The following IGSF3 variants were observed in gnomAD, a reference collection of about 807,000 sequenced individuals.
The protein encoded by IGSF3 is immunoglobulin superfamily member 3.
A neutral mutation model predicts 114.4 loss-of-function variants in IGSF3; 23 were observed. The observed-to-expected ratio is 0.20, with a 90% confidence interval of 0.14 to 0.28. The LOEUF (loss-of-function observed/expected upper bound fraction) is 0.28. Among genes scored for constraint, IGSF3 ranks in the 10% least tolerant of loss-of-function variants. IGSF3 has a pLI of 1.00. For synonymous variants in IGSF3, 571 were observed against 645.2 expected, an observed-to-expected ratio of 0.88 and a Z score of 1.74; for missense variants, 1,172 against 1,591.5, an observed-to-expected ratio of 0.74 and a Z score of 4.48.
chr1:116,588,532 G>T lies in IGSF3; in HGVS notation c.2440+162C>A, dbSNP rs1659948301. Among the ~76,000 whole-genome samples, 1 of 152,126 alleles carries T rather than the reference G, an allele frequency of 6.6e-6. No homozygotes were observed. The highest frequency in any genetic ancestry group is 2.4e-5 in the African/African-American group (1 of 41,408). On this transcript the variant is annotated intron_variant, in intron 8 of 10. Transcript: ENST00000369486. The surrounding 1 kb of genome is among the most constrained non-coding windows in gnomAD (Gnocchi z 4.9). Reference sequence around the variant, plus strand: ...GGACCCACTGCAGGTAAAATGGATGGGATTGCAGTGTGCTAGGGTGATGGT... The same window carrying T: ...GGACCCACTGCAGGTAAAATGGATGTGATTGCAGTGTGCTAGGGTGATGGT...
chr1:116,599,995 T>C lies in IGSF3; in HGVS notation c.1975A>G (p.Thr659Ala), dbSNP rs1243620195. Reference sequence around the variant, plus strand: ...TTGGAGGTCCTCTCCGCCAGTCGCGTCCAGGTGTTGTTGTAGTTCTTCCGC... The same window carrying C: ...TTGGAGGTCCTCTCCGCCAGTCGCGCCCAGGTGTTGTTGTAGTTCTTCCGC... ...LWRKNYNNTW[T>A]RLAERTSNLL... The change falls in exon 7 of 11, where the codon ACG becomes GCG. Residue 659 changes from threonine to alanine, a missense_variant. By Grantham distance (58) the Thr-to-Ala change is moderately conservative (BLOSUM62 0). Coordinates refer to ENST00000369486, the MANE Select transcript of IGSF3 (RefSeq NM_001007237.3). 1 of 1,614,156 alleles carries C rather than the reference T, an allele frequency of 6.2e-7. No individual in the cohort carries two copies.
Position 116,579,573 on chromosome 1 carries a change from G to A in IGSF3, c.3153C>T (p.Gly1051=), listed in dbSNP as rs146558055. Residue 1051 remains glycine (G), a synonymous_variant, in exon 10 of 11, where the codon GGC becomes GGT. Transcript: ENST00000369486. This position sits in a 1 kb window ranked among gnomAD's most constrained non-coding sequence, Gnocchi z 6.4. ...VFGPEGSPWE[G]RLRFQRLSPV... is the part of the protein sequence containing the mutation. Reference sequence around the variant, plus strand: ...GGGAGAGCCTCTGGAAGCGAAGCCTGCCCTCCCAAGGACTGCCCTCTGGGC... The same window carrying A: ...GGGAGAGCCTCTGGAAGCGAAGCCTACCCTCCCAAGGACTGCCCTCTGGGC... The A allele has an allele frequency of 1.3e-5, 21 of 1,614,206 alleles. No homozygotes were observed. The African/African-American group carries it at 2.7e-4, about 20-fold the overall frequency.
At chr1:116,586,701 G>C (rs1222740047) in intron 8 of IGSF3, among the ~76,000 whole-genome samples, 2 of 152,094 alleles carry the variant, frequency 1.3e-5, no homozygotes, top group Non-Finnish European at 2.9e-5. Context: ...AGAATCTCTT[G>C]GTTTCAGTAC....
At chr1:116,630,864 G>C (rs1363954554) in intron 2 of IGSF3, among the ~76,000 whole-genome samples, 1 of 152,206 alleles carries the variant, frequency 6.6e-6, no homozygotes, top group East Asian at 1.9e-4. Flanking sequence ...CCTCAGCAGA[G>C]AGCAGCTCGA....
rs1224243173 is a variant in IGSF3 at position 116,574,638 on chromosome 1, T to G, written c.*2674A>C. 1 of 152,518 alleles carries G rather than the reference T, an allele frequency of 6.6e-6. No individual in the cohort carries two copies. Among genetic ancestry groups the G allele is most frequent in the African/African-American group, 2.4e-5 (1 of 41,394 alleles). 9.4% of individuals were successfully genotyped at this position (152,518 alleles called of 1,614,324 possible). Reference sequence around the variant, plus strand: ...TACAGAAACACCCGGTGAAAGAGGGTGTGGTCATATTCATGTCCTAGAATG... The same window carrying G: ...TACAGAAACACCCGGTGAAAGAGGGGGTGGTCATATTCATGTCCTAGAATG... On this transcript the variant is annotated 3_prime_UTR_variant, in exon 11 of 11. Coordinates refer to ENST00000369486, the MANE Select transcript of IGSF3 (RefSeq NM_001007237.3). The surrounding 1 kb of genome is among the most constrained non-coding windows in gnomAD (Gnocchi z 5.2).
Position 116,651,107 on chromosome 1 carries a change from C to T in IGSF3, c.43+15177G>A, listed in dbSNP as rs1364936011. Among the ~76,000 whole-genome samples, 1 of 152,238 alleles carries T rather than the reference C, an allele frequency of 6.6e-6. No individual in the cohort carries two copies. On this transcript the variant is annotated intron_variant, in intron 2 of 10. Transcript: ENST00000369486. The surrounding 1 kb of genome is among the most constrained non-coding windows in gnomAD (Gnocchi z 4.4). ...AAGCTCACAATAAGGAACGCCCATG[C>T]CTAGCCATAACTGAGCACATCACAG...
rs1313423286 is a variant in IGSF3, at chr1:116,650,071, G to C, written c.43+16213C>G. Among the ~76,000 whole-genome samples the C allele has an allele frequency of 2.0e-5, 3 of 152,126 alleles. No homozygotes were observed. Among genetic ancestry groups the C allele is most frequent in the Admixed American group, 6.5e-5 (1 of 15,280 alleles). Reference sequence around the variant, plus strand: ...CCTCTCCTTTCTGCCTTACCACAAAGCTAAGCTCTGTCTCTGAATAATGTG... The same window carrying C: ...CCTCTCCTTTCTGCCTTACCACAAACCTAAGCTCTGTCTCTGAATAATGTG... On this transcript the variant is annotated intron_variant, in intron 2 of 10. Coordinates refer to ENST00000369486, the MANE Select transcript of IGSF3 (RefSeq NM_001007237.3). The surrounding 1 kb of genome is among the most constrained non-coding windows in gnomAD (Gnocchi z 5.0).
At position 116,594,873 on chromosome 1, in the gene IGSF3, C is replaced by T. The variant is rs12747071; in HGVS notation, c.2029+5068G>A. The stretch of plus-strand genomic sequence containing the variant: ...ATGCTCCACTCCTCCTTCCCAACCT[C>T]CCACCCTCACCCCTACCCCATTCCC... On this transcript the variant is annotated intron_variant, in intron 7 of 10. Transcript: ENST00000369486. The surrounding 1 kb of genome is among the most constrained non-coding windows in gnomAD (Gnocchi z 5.2). 2.0e-5 allele frequency among the ~76,000 whole-genome samples: 3 copies of T among 152,098 alleles called. No individual in the cohort carries two copies. Among genetic ancestry groups the T allele is most frequent in the Non-Finnish European group, 2.9e-5 (2 of 68,006 alleles).
At chr1:116,637,530 C>T (rs1242051932) in intron 2 of IGSF3, among the ~76,000 whole-genome samples, 1 of 152,180 alleles carries the variant, frequency 6.6e-6, no homozygotes, top group Non-Finnish European at 1.5e-5. Flanking sequence ...CTTTTCTCCA[C>T]AAGTGGCCTG....
At position 116,583,535 on chromosome 1, in the gene IGSF3, T is replaced by C. The variant is rs1659682717; in HGVS notation, c.2848+1110A>G. On this transcript the variant is annotated intron_variant, in intron 9 of 10. Transcript: ENST00000369486. The surrounding 1 kb of genome is among the most constrained non-coding windows in gnomAD (Gnocchi z 4.5). ...CTGGCACCACCCTGGAGATGCAATA[T>C]TCCACCAACGAAATGAGCTGCTCTA... is the stretch of plus-strand genomic sequence containing the variant. Among the ~76,000 whole-genome samples the C allele has an allele frequency of 6.6e-6, 1 of 152,140 alleles. No individual in the cohort carries two copies. Among genetic ancestry groups the C allele is most frequent in the Non-Finnish European group, 1.5e-5 (1 of 68,010 alleles).
At position 116,600,494 on chromosome 1, in the gene IGSF3, T is replaced by C. The variant is rs1374026373; in HGVS notation, c.1625-149A>G. ...TGAGCTCTCAGGCTAGTGTTGCTTTTAGTATCCTGCTGAGGCCCAGTCCAA... is the reference window on the plus strand; with the variant it reads ...TGAGCTCTCAGGCTAGTGTTGCTTTCAGTATCCTGCTGAGGCCCAGTCCAA... On this transcript the variant is annotated intron_variant, in intron 6 of 10. Coordinates refer to ENST00000369486, the MANE Select transcript of IGSF3 (RefSeq NM_001007237.3). The surrounding 1 kb of genome is among the most constrained non-coding windows in gnomAD (Gnocchi z 5.5). The C allele has an allele frequency of 4.7e-6, 3 of 635,316 alleles. No homozygotes were observed. Among genetic ancestry groups the C allele is most frequent in the Non-Finnish European group, 8.2e-6 (3 of 367,708 alleles). The allele number at this position is 635,316 out of a possible 1,614,324, so 39.4% of individuals were successfully genotyped here.
At position 116,648,980 on chromosome 1, in the gene IGSF3, T is replaced by C. The variant is rs1648518537; in HGVS notation, c.43+17304A>G. 6.6e-6 allele frequency among the ~76,000 whole-genome samples: 1 copy of C among 152,134 alleles called. No homozygotes were observed. Among genetic ancestry groups the C allele is most frequent in the African/African-American group, 2.4e-5 (1 of 41,418 alleles). ...GAGTCAGCCAGCAAGCTCCAGCCCATTGACAGCAGACCCCTGAGCAAATCA... is the reference window on the plus strand; with the variant it reads ...GAGTCAGCCAGCAAGCTCCAGCCCACTGACAGCAGACCCCTGAGCAAATCA... On this transcript the variant is annotated intron_variant, in intron 2 of 10. Coordinates refer to ENST00000369486, the MANE Select transcript of IGSF3 (RefSeq NM_001007237.3). The surrounding 1 kb of genome is among the most constrained non-coding windows in gnomAD (Gnocchi z 4.7).
At position 116,612,381 on chromosome 1, in the gene IGSF3, G is replaced by T. The variant is rs895276232; in HGVS notation, c.832+1384C>A. Among the ~76,000 whole-genome samples the T allele has an allele frequency of 2.0e-5, 3 of 152,056 alleles. No individual in the cohort carries two copies. The highest frequency in any genetic ancestry group is 7.2e-5 in the African/African-American group (3 of 41,394). On this transcript the variant is annotated intron_variant, in intron 4 of 10. Coordinates refer to ENST00000369486, the MANE Select transcript of IGSF3 (RefSeq NM_001007237.3). The surrounding 1 kb of genome is among the most constrained non-coding windows in gnomAD (Gnocchi z 4.1). ...ATGACTTATTAAAGTGATGTCCAGA[G>T]AATTGCTTCTGCCCTAGAAGCTTTG...
At chr1:116,663,982 C>T (rs1649226438) in intron 2 of IGSF3, among the ~76,000 whole-genome samples, 1 of 152,160 alleles carries the variant, frequency 6.6e-6, no homozygotes, top group Non-Finnish European at 1.5e-5. Context: ...ACACATGAAC[C>T]AGACCACATC....
In IGSF3 at chr1:116,598,642, G is replaced by A. The variant is rs1236677557; in HGVS notation, c.2029+1299C>T. Among the ~76,000 whole-genome samples the A allele has an allele frequency of 6.6e-6, 1 of 152,210 alleles. No individual in the cohort carries two copies. The highest frequency in any genetic ancestry group is 2.4e-5 in the African/African-American group (1 of 41,460). Reference sequence around the variant, plus strand: ...GCAGACTAGGTCAGGCACTAACCATGGCTGTTAGTGGGCAGAAAAATCCCT... The same window carrying A: ...GCAGACTAGGTCAGGCACTAACCATAGCTGTTAGTGGGCAGAAAAATCCCT... On this transcript the variant is annotated intron_variant, in intron 7 of 10. Coordinates refer to ENST00000369486, the MANE Select transcript of IGSF3 (RefSeq NM_001007237.3). This position sits in a 1 kb window ranked among gnomAD's most constrained non-coding sequence, Gnocchi z 4.3.
Position 116,651,169 on chromosome 1 carries a change from T to C in IGSF3, c.43+15115A>G, listed in dbSNP as rs956071963. Among the ~76,000 whole-genome samples the C allele has an allele frequency of 3.3e-5, 5 of 152,160 alleles. No individual in the cohort carries two copies. Among genetic ancestry groups the C allele is most frequent in the Non-Finnish European group, 5.9e-5 (4 of 68,016 alleles). The stretch of plus-strand genomic sequence containing the variant: ...TCTGTGGAATGAGTGCATGATCTCA[T>C]GAGCTCTGGTCTGGAAAAGTAAGTC... On this transcript the variant is annotated intron_variant, in intron 2 of 10. Transcript: ENST00000369486. The surrounding 1 kb of genome is among the most constrained non-coding windows in gnomAD (Gnocchi z 4.4).
At chr1:116,623,013 T>A (rs960277302) in intron 2 of IGSF3, among the ~76,000 whole-genome samples, 18 of 152,202 alleles carry the variant, frequency 1.2e-4, no homozygotes, top group Admixed American at 1.2e-3. Flanking sequence ...GCCAACTAAG[T>A]GCTTCATGGA....
Position 116,616,497 on chromosome 1 carries a change from T to A in IGSF3, c.44-40A>T, listed in dbSNP as rs4044848. On this transcript the variant is annotated intron_variant, in intron 2 of 10. Coordinates refer to ENST00000369486, the MANE Select transcript of IGSF3 (RefSeq NM_001007237.3). The surrounding 1 kb of genome is among the most constrained non-coding windows in gnomAD (Gnocchi z 6.6). The stretch of plus-strand genomic sequence containing the variant: ...AACACACACAACATGCTTACTTACT[T>A]CTCAGACCAAAATGCAAAGTAGCCA... The A allele has an allele frequency of 6.5e-7, 1 of 1,542,006 alleles. No homozygotes were observed. The highest frequency in any genetic ancestry group is 1.9e-5 in the Admixed American group (1 of 52,676).
In IGSF3 at chr1:116,584,632, C is replaced by A. The variant is rs752995499; in HGVS notation, c.2848+13G>T. ...ACCAGAGGGAGTGGAAGCTTGGGGA[C>A]GTGGACCCTCACCTGGTCGCATGAC... is the stretch of plus-strand genomic sequence containing the variant. On this transcript the variant is annotated intron_variant, in intron 9 of 10. Transcript: ENST00000369486. This position sits in a 1 kb window ranked among gnomAD's most constrained non-coding sequence, Gnocchi z 5.8. The A allele has an allele frequency of 1.2e-6, 2 of 1,613,692 alleles. No homozygotes were observed. The highest frequency in any genetic ancestry group is 8.5e-7 in the Non-Finnish European group (1 of 1,179,754).
Sources: allele counts gnomAD v4.1 joint callset (sites outside exome capture counted in the v4.1 genomes callset), GRCh38; gene constraint gnomAD v4.1.1; non-coding constraint Gnocchi (gnomAD v3.1); transcripts MANE v1.5; gene names NCBI Gene and HGNC (gene_info 2026-07-23, HGNC 2026-07-21).